Variants in CSNK1G1 observed in about 807,000 individuals in gnomAD.
CSNK1G1 encodes casein kinase 1 gamma 1.
In CSNK1G1, 22 loss-of-function variants were observed where a neutral mutation model predicts 59.6. That is an observed-to-expected ratio of 0.37 (90% CI 0.26 to 0.53). The LOEUF (loss-of-function observed/expected upper bound fraction) is 0.53. Among genes scored for constraint, CSNK1G1 ranks in the 20% least tolerant of loss-of-function variants. CSNK1G1 has a pLI of 0.89. For missense variants in CSNK1G1, 384 were observed against 519.5 expected (o/e 0.74, Z 2.54); for synonymous variants, 179 against 177.1 (o/e 1.01, Z -0.08).
chr15:64,299,555 G>A (rs1036077097), intron 2 of CSNK1G1, among the ~76,000 whole-genome samples: 6 of 151,198 alleles, frequency 4.0e-5, no homozygotes, highest in Admixed American at 1.3e-4. Context: ...TCGCGCCACT[G>A]CACTCCAGCC....
At chr15:64,237,128 G>A (rs752442765) in intron 4 of CSNK1G1, among the ~76,000 whole-genome samples, 1 of 152,106 alleles carries the variant, frequency 6.6e-6, no homozygotes, top group Non-Finnish European at 1.5e-5. Flanking sequence ...GAATGGTGAG[G>A]GAGTGGGAGG....
At chr15:64,347,835 G>T (rs555843216) in intron 1 of CSNK1G1, among the ~76,000 whole-genome samples, 2 of 151,362 alleles carry the variant, frequency 1.3e-5, no homozygotes, top group African/African-American at 4.9e-5. Flanking sequence ...GTGAAACCCG[G>T]TCTCTACTAA....
intron 4 of CSNK1G1, among the ~76,000 whole-genome samples, chr15:64,223,070 G>A (rs543608544): frequency 6.6e-6 from 1 of 152,204 alleles, no homozygotes; most frequent in South Asian, 2.1e-4. Context: ...TGTACAGAAA[G>A]CTCCCCATGC....
At chr15:64,198,678 T>C (rs2082067287) in intron 10 of CSNK1G1, among the ~76,000 whole-genome samples, 1 of 151,922 alleles carries the variant, frequency 6.6e-6, no homozygotes, top group Admixed American at 6.6e-5. Context: ...GAAAATCATC[T>C]TGTTTTCAAT....
At chr15:64,293,303 G>T (rs1370653758) in intron 2 of CSNK1G1, among the ~76,000 whole-genome samples, 1 of 152,086 alleles carries the variant, frequency 6.6e-6, no homozygotes, top group Non-Finnish European at 1.5e-5. Flanking sequence ...CATTGAAAAT[G>T]AGCAAAGGCC....
chr15:64,257,683 T>A (rs985491446), intron 3 of CSNK1G1, among the ~76,000 whole-genome samples: 2 of 152,096 alleles, frequency 1.3e-5, no homozygotes, highest in Non-Finnish European at 2.9e-5. Context: ...CCAGCATACC[T>A]GACTAATTTT....
intron 2 of CSNK1G1, among the ~76,000 whole-genome samples, chr15:64,288,385 T>C (rs976005221): frequency 1.3e-5 from 2 of 152,040 alleles, no homozygotes; most frequent in South Asian, 2.1e-4. Context: ...ACATCTAATA[T>C]TGAAAAAATT....
intron 10 of CSNK1G1, among the ~76,000 whole-genome samples, chr15:64,190,336 T>G (rs1241296374): frequency 6.6e-6 from 1 of 152,228 alleles, no homozygotes; most frequent in African/African-American, 2.4e-5. Flanking sequence ...ATTCCCCTAC[T>G]ACAATTATTT....
At chr15:64,182,811 C>T (rs764263065) in intron 10 of CSNK1G1, among the ~76,000 whole-genome samples, 10 of 152,120 alleles carry the variant, frequency 6.6e-5, no homozygotes, top group East Asian at 1.9e-4. Flanking sequence ...ATTTCCCTCC[C>T]GATTTCTCTG....
At chr15:64,196,089 C>T (rs925191023) in intron 10 of CSNK1G1, among the ~76,000 whole-genome samples, 1 of 152,002 alleles carries the variant, frequency 6.6e-6, no homozygotes, top group African/African-American at 2.4e-5. Flanking sequence ...TGGTGGCTCA[C>T]GCCCATAGTC....
Position 64,267,780 on chromosome 15 carries a change from C to T in CSNK1G1, c.182-8539G>A, listed in dbSNP as rs150501775. ...AATTAAAAACAAAACTACCATATGA[C>T]CCAACAATTCCACTACTGGGTATAT... On this transcript the variant is annotated intron_variant, in intron 2 of 11. Transcript: ENST00000303052. 4.4e-3 allele frequency among the ~76,000 whole-genome samples: 676 copies of T among 152,140 alleles called. 7 individuals carry two copies. Among genetic ancestry groups the T allele is most frequent in the South Asian group, 0.014 (68 of 4,818 alleles).
At chr15:64,236,142 CAAA>C (rs532663571) in intron 4 of CSNK1G1, among the ~76,000 whole-genome samples, 12 of 68,018 alleles carry the variant, frequency 1.8e-4, no homozygotes, top group African/African-American at 3.5e-4. Flanking sequence ...GACTCCATCT[CAAA>C]AAAAAAAAAA....
chr15:64,321,053 T>C (rs1167739171), intron 1 of CSNK1G1, among the ~76,000 whole-genome samples: 1 of 152,140 alleles, frequency 6.6e-6, no homozygotes, highest in Non-Finnish European at 1.5e-5. Flanking sequence ...TATAATGCTC[T>C]CTATAGAGAA....
At chr15:64,312,909 G>GA (rs1255436648) in intron 1 of CSNK1G1, among the ~76,000 whole-genome samples, 2 of 150,180 alleles carry the variant, frequency 1.3e-5, no homozygotes, top group South Asian at 2.1e-4. Context: ...AAATTTACAA[G>GA]AAAAAAACAA....
intron 4 of CSNK1G1, among the ~76,000 whole-genome samples, chr15:64,219,573 C>A (rs1033648679): frequency 3.3e-5 from 5 of 152,046 alleles, no homozygotes; most frequent in Admixed American, 3.3e-4. Context: ...ATCCTCCTGC[C>A]TCAGCCTCCC....
intron 4 of CSNK1G1, among the ~76,000 whole-genome samples, chr15:64,247,528 G>T (rs72756955): frequency 0.044 from 6,727 of 152,158 alleles, 196 homozygotes; most frequent in South Asian, 0.085. Flanking sequence ...AACAAAGCTT[G>T]AAAAGTGTGA....
intron 2 of CSNK1G1, among the ~76,000 whole-genome samples, chr15:64,284,519 A>C (rs751657549): frequency 1.9e-4 from 29 of 152,144 alleles, no homozygotes; most frequent in Admixed American, 5.2e-4. Context: ...TCAGAGTATA[A>C]ATTTTGTACT....
intron 4 of CSNK1G1, among the ~76,000 whole-genome samples, chr15:64,230,391 A>G (rs567159914): frequency 1.8e-4 from 27 of 151,804 alleles, no homozygotes; most frequent in Admixed American, 1.6e-3. Context: ...TTGACTTCCC[A>G]GGCTCAAGCA....
chr15:64,293,419 G>T (rs1398775853), intron 2 of CSNK1G1, among the ~76,000 whole-genome samples: 1 of 152,178 alleles, frequency 6.6e-6, no homozygotes, highest in Admixed American at 6.5e-5. Flanking sequence ...CTATCAGACT[G>T]TCATAGATGA....
Sources: gnomAD v4.1 joint callset for allele counts (sites outside exome capture counted in the v4.1 genomes callset) on GRCh38, gnomAD v4.1.1 for gene constraint, MANE v1.5 for transcripts, NCBI Gene and HGNC (gene_info 2026-07-23, HGNC 2026-07-21) for gene names.